GALNT7: variants seen among roughly 807,000 people sequenced by gnomAD.
The protein encoded by GALNT7 is N-acetylgalactosaminyltransferase 7.
Under a neutral mutation model 82.1 loss-of-function variants are expected in GALNT7, and 60 were observed. That is an observed-to-expected ratio of 0.73 (90% CI 0.59 to 0.91). The LOEUF (loss-of-function observed/expected upper bound fraction) is 0.91. Among genes scored for constraint, GALNT7 ranks in the 40% least tolerant of loss-of-function variants. The probability of loss-of-function intolerance (pLI) is 0.00; values close to 1 mark genes in which losing one functional copy is unlikely to be tolerated. For missense variants in GALNT7, 660 were observed against 804.2 expected (o/e 0.82, Z 2.17); for synonymous variants, 243 against 275.1 (o/e 0.88, Z 1.15).
At chr4:173,190,028 C>A (rs1170933024) in intron 1 of GALNT7, among the ~76,000 whole-genome samples, 3 of 151,174 alleles carry the variant, frequency 2.0e-5, no homozygotes, top group Non-Finnish European at 4.4e-5. Flanking sequence ...AATACCCAAA[C>A]TGATAATGGC....
At chr4:173,288,508 C>T (rs978251456) in intron 2 of GALNT7, among the ~76,000 whole-genome samples, 1 of 151,938 alleles carries the variant, frequency 6.6e-6, no homozygotes, top group Non-Finnish European at 1.5e-5. Flanking sequence ...GCTGTAGGAT[C>T]TGAGATGTTA....
At chr4:173,318,770 C>A (rs1737697521) in intron 11 of GALNT7, 1 of 408,596 alleles carries the variant, frequency 2.4e-6, no homozygotes, top group Non-Finnish European at 4.4e-6. Flanking sequence ...ACAATATTGT[C>A]ATGTAATGAG....
At chr4:173,263,421 T>C (rs2126770704) in intron 2 of GALNT7, among the ~76,000 whole-genome samples, 1 of 152,344 alleles carries the variant, frequency 6.6e-6, no homozygotes, top group Non-Finnish European at 1.5e-5. Context: ...TGTATTGAGC[T>C]CTATTTTAAT....
intron 1 of GALNT7, among the ~76,000 whole-genome samples, chr4:173,183,281 CTT>C (rs760189702): frequency 6.3e-5 from 9 of 142,200 alleles, no homozygotes; most frequent in Non-Finnish European, 6.2e-5. Context: ...ACACGCTGCA[CTT>C]TTTTTTTTTT....
chr4:173,215,038 G>A lies in GALNT7; in HGVS notation c.127-32942G>A, dbSNP rs962799242. Among the ~76,000 whole-genome samples, 8 of 152,136 alleles carry A rather than the reference G, an allele frequency of 5.3e-5. No homozygotes were observed. The South Asian group carries it at 6.2e-4, about 12-fold the overall frequency. ...TTCTGTAATCCTATCATGATCCCCTGCTTTCTTTCTTCCCTACCAGAATCT... is the reference window on the plus strand; with the variant it reads ...TTCTGTAATCCTATCATGATCCCCTACTTTCTTTCTTCCCTACCAGAATCT... On this transcript the variant is annotated intron_variant, in intron 1 of 11. Coordinates refer to ENST00000265000, the MANE Select transcript of GALNT7 (RefSeq NM_017423.3).
At chr4:173,305,416 A>G (rs1157064367) in intron 8 of GALNT7, among the ~76,000 whole-genome samples, 1 of 152,158 alleles carries the variant, frequency 6.6e-6, no homozygotes, top group African/African-American at 2.4e-5. Context: ...TTGCTTACAG[A>G]AGCTTCTTAG....
rs138118927 is a variant in GALNT7 at position 173,297,245 on chromosome 4, T to G, written c.966-870T>G. Among the ~76,000 whole-genome samples the G allele has an allele frequency of 4.6e-3, 694 of 150,748 alleles. 9 individuals carry two copies. Among genetic ancestry groups the G allele is most frequent in the Admixed American group, 0.021 (323 of 15,268 alleles). On this transcript the variant is annotated intron_variant, in intron 5 of 11. Transcript: ENST00000265000. ...TTTTTAAAGCAACAATACCTTTTTT[T>G]TTTGTTTGTTTTGCAATAAAAGCTG...
At chr4:173,244,573 T>A (rs1210072883) in intron 1 of GALNT7, among the ~76,000 whole-genome samples, 4 of 152,188 alleles carry the variant, frequency 2.6e-5, no homozygotes, top group African/African-American at 7.2e-5. Context: ...CCCTGTCAGA[T>A]GTCCCATCTA....
chr4:173,214,977 A>G (rs1733394155), intron 1 of GALNT7, among the ~76,000 whole-genome samples: 1 of 152,154 alleles, frequency 6.6e-6, no homozygotes, highest in Non-Finnish European at 1.5e-5. Flanking sequence ...CAGTTCTTAT[A>G]GTTAAGTTGT....
At position 173,323,621 on chromosome 4, in the gene GALNT7, T is replaced by A. The variant is rs1023103275; in HGVS notation, c.*1904T>A. On this transcript the variant is annotated 3_prime_UTR_variant, in exon 12 of 12. Coordinates refer to ENST00000265000, the MANE Select transcript of GALNT7 (RefSeq NM_017423.3). The stretch of plus-strand genomic sequence containing the variant: ...ATGTAAATTTTAAATGGGTACTTTG[T>A]GCAATTCGTTAAAAGAAGATACTCT... 1.2e-4 allele frequency: 19 copies of A among 152,692 alleles called. No homozygotes were observed. The highest frequency in any genetic ancestry group is 4.1e-4 in the African/African-American group (17 of 41,584). 9.5% of individuals were successfully genotyped at this position (152,692 alleles called of 1,614,324 possible).
intron 1 of GALNT7, among the ~76,000 whole-genome samples, chr4:173,228,155 T>C (rs1396005159): frequency 6.6e-6 from 1 of 151,456 alleles, no homozygotes; most frequent in Admixed American, 6.6e-5. Flanking sequence ...TAAAAACAAA[T>C]TTAACAGGAA....
chr4:173,184,562 C>T (rs997100243), intron 1 of GALNT7, among the ~76,000 whole-genome samples: 2 of 137,428 alleles, frequency 1.5e-5, no homozygotes, highest in African/African-American at 5.3e-5. Flanking sequence ...AGTCCAGCCT[C>T]GGCTCGGCAT....
intron 1 of GALNT7, among the ~76,000 whole-genome samples, chr4:173,197,464 T>G (rs953762364): frequency 6.6e-5 from 10 of 152,238 alleles, no homozygotes; most frequent in Admixed American, 6.5e-5. Flanking sequence ...TGGGAAAAGA[T>G]CTTTCTCTTC....
Position 173,292,046 on chromosome 4 carries a change from A to G in GALNT7, c.588-62A>G. On this transcript the variant is annotated intron_variant, in intron 2 of 11. Transcript: ENST00000265000. This position sits in a 1 kb window ranked among gnomAD's most constrained non-coding sequence, Gnocchi z 4.8. Reference sequence around the variant, plus strand: ...TGTAATCCAATCAGCAAATATAGTCAGCTTGGAGCCAAGCAGTATAGATTA... The same window carrying G: ...TGTAATCCAATCAGCAAATATAGTCGGCTTGGAGCCAAGCAGTATAGATTA... The G allele has an allele frequency of 7.5e-6, 8 of 1,070,430 alleles. No homozygotes were observed. The highest frequency in any genetic ancestry group is 1.1e-5 in the Non-Finnish European group (8 of 714,026). The allele number at this position is 1,070,430 out of a possible 1,614,324, so 66.3% of individuals were successfully genotyped here. A position where few individuals can be genotyped will look rare whatever the true frequency, so the allele number is the denominator to read the frequency against.
intron 2 of GALNT7, among the ~76,000 whole-genome samples, chr4:173,288,300 A>AAAAAAAAAAAAAG (rs1736410615): frequency 6.7e-6 from 1 of 149,968 alleles, no homozygotes; most frequent in Non-Finnish European, 1.5e-5. Context: ...AAAAAAAAAA[A>AAAAAAAAAAAAAG]AAAAAGAAAA....
chr4:173,203,964 A>G lies in GALNT7; in HGVS notation c.126+35003A>G, dbSNP rs115175974. Among the ~76,000 whole-genome samples, 954 of 152,290 alleles carry G rather than the reference A, an allele frequency of 6.3e-3. 7 individuals are homozygous for G. Among genetic ancestry groups the G allele is most frequent in the African/African-American group, 0.022 (917 of 41,552 alleles). On this transcript the variant is annotated intron_variant, in intron 1 of 11. Coordinates refer to ENST00000265000, the MANE Select transcript of GALNT7 (RefSeq NM_017423.3). The stretch of plus-strand genomic sequence containing the variant: ...ATATGTTTTCATATTACTAATTAGC[A>G]TCCTTTTCTTTCAGCTTGAAGAACT...
intron 2 of GALNT7, among the ~76,000 whole-genome samples, chr4:173,255,493 CT>C (rs535656332): frequency 2.9e-4 from 44 of 152,130 alleles, no homozygotes; most frequent in Non-Finnish European, 5.0e-4. Flanking sequence ...CTACCCCCAA[CT>C]ACGAATTTAG....
At chr4:173,220,330 A>G (rs541228131) in intron 1 of GALNT7, among the ~76,000 whole-genome samples, 15 of 152,126 alleles carry the variant, frequency 9.9e-5, no homozygotes, top group African/African-American at 3.6e-4. Context: ...TGGGTTTTCT[A>G]TTCTGTTCTG....
intron 2 of GALNT7, among the ~76,000 whole-genome samples, chr4:173,291,756 C>A (rs1736539738): frequency 6.8e-6 from 1 of 147,880 alleles, no homozygotes; most frequent in African/African-American, 2.5e-5. Context: ...GTGCCAAAAG[C>A]TCATTTCAAA....
Sources: gnomAD v4.1 joint callset for allele counts (sites outside exome capture counted in the v4.1 genomes callset) on GRCh38, gnomAD v4.1.1 for gene constraint, Gnocchi (gnomAD v3.1) non-coding constraint, MANE v1.5 for transcripts, NCBI Gene and HGNC (gene_info 2026-07-23, HGNC 2026-07-21) for gene names.